The following RFX3 variants were observed in gnomAD, a reference collection of about 807,000 sequenced individuals.
RFX3 encodes the protein transcription factor RFX3.
A neutral mutation model predicts 98.6 loss-of-function variants in RFX3; 14 were observed. The ratio of observed to expected loss-of-function variants is 0.14; its 90% CI spans 0.09 to 0.22. The LOEUF (loss-of-function observed/expected upper bound fraction) is 0.22, where lower values mean the gene tolerates loss of function less well. Among genes scored for constraint, RFX3 ranks in the 10% least tolerant of loss-of-function variants. RFX3 has a pLI of 1.00. For missense variants in RFX3, 639 were observed against 926.9 expected, an observed-to-expected ratio of 0.69 and a Z score of 4.03; for synonymous variants, 383 against 328.4, an observed-to-expected ratio of 1.17 and a Z score of -1.80.
chr9:3,489,397 T>C (rs752728911), intron 1 of RFX3: 179 of 984,576 alleles, frequency 1.8e-4, no homozygotes, highest in Non-Finnish European at 2.0e-4. Flanking sequence ...AAGGCCTGTC[T>C]TTAAAGTACT....
rs146983728 is a variant in RFX3 at position 3,396,914 on chromosome 9, G to T, written c.-8-1318C>A. Among the ~76,000 whole-genome samples the T allele has an allele frequency of 6.3e-4, 96 of 152,238 alleles. No individual in the cohort carries two copies. The East Asian group carries it at 0.016, about 25-fold the overall frequency. On this transcript the variant is annotated intron_variant, in intron 1 of 16. Coordinates refer to ENST00000617270, the MANE Select transcript of RFX3 (RefSeq NM_001282116.2). ...TAAAACAATTAACGTATATCCAAAA[G>T]CCAACTGATATGCCCTAAACTTAGC... is the stretch of plus-strand genomic sequence containing the variant.
intron 2 of RFX3, among the ~76,000 whole-genome samples, chr9:3,381,651 T>C (rs144183580): frequency 4.3e-4 from 65 of 152,234 alleles, no homozygotes; most frequent in African/African-American, 1.6e-3. Context: ...TATTTTCTTA[T>C]ATATATCTTT....
chr9:3,269,718 C>G (rs559974417), intron 11 of RFX3, among the ~76,000 whole-genome samples: 1 of 152,218 alleles, frequency 6.6e-6, no homozygotes, highest in East Asian at 1.9e-4. Flanking sequence ...GATTACAATG[C>G]TTGTGTAGTT....
rs151299614 is a variant in RFX3 at position 3,248,161 on chromosome 9, G to A, written c.1839C>T (p.Thr613=). The A allele has an allele frequency of 6.2e-7, 1 of 1,611,576 alleles. No individual in the cohort carries two copies. The highest frequency in any genetic ancestry group is 8.5e-7 in the Non-Finnish European group (1 of 1,178,434). The stretch of plus-strand genomic sequence containing the variant: ...AGCCAAAGCTAGCAGCACTGCGTAA[G>A]GTTAAGTCCCGAATAACCATTGAGC... ...FYSSMVIRDL[T]LRSAASFGSF... The change falls in exon 15 of 17, where the codon ACC becomes ACT. Residue 613 remains threonine (T), a synonymous_variant. Transcript: ENST00000617270.
At chr9:3,445,543 G>GA (rs1306440776) in intron 1 of RFX3, among the ~76,000 whole-genome samples, 2 of 152,038 alleles carry the variant, frequency 1.3e-5, no homozygotes, top group Non-Finnish European at 2.9e-5. Flanking sequence ...CGAGTTCACT[G>GA]AAAAAATAAG....
At chr9:3,265,220 C>G (rs1161861991) in intron 12 of RFX3, among the ~76,000 whole-genome samples, 1 of 152,150 alleles carries the variant, frequency 6.6e-6, no homozygotes, top group Non-Finnish European at 1.5e-5. Context: ...TTTCATTTCA[C>G]TTAATTTAAA....
intron 10 of RFX3, 115 bp downstream of exon 10, chr9:3,270,888 T>A: frequency 1.4e-6 from 2 of 1,442,722 alleles, no homozygotes; most frequent in Non-Finnish European, 1.9e-6. Flanking sequence ...AAAACATCAA[T>A]CTATTCAATT....
chr9:3,324,872 G>A (rs999282207), intron 4 of RFX3, among the ~76,000 whole-genome samples: 20 of 152,096 alleles, frequency 1.3e-4, no homozygotes, highest in African/African-American at 4.6e-4. Flanking sequence ...GCTGAGGTGG[G>A]AGAATCGCTT....
intron 1 of RFX3, among the ~76,000 whole-genome samples, chr9:3,427,524 A>G (rs992550508): frequency 2.0e-5 from 3 of 148,604 alleles, no homozygotes; most frequent in Non-Finnish European, 4.4e-5. Flanking sequence ...TATATAAATA[A>G]TACAATGCAG....
chr9:3,469,987 T>A (rs552501566), intron 1 of RFX3, among the ~76,000 whole-genome samples: 1 of 152,236 alleles, frequency 6.6e-6, no homozygotes, highest in Admixed American at 6.6e-5. Flanking sequence ...GGATCACTAT[T>A]GTAATCCCAA....
chr9:3,359,990 T>G (rs757051098), intron 2 of RFX3, among the ~76,000 whole-genome samples: 5 of 152,140 alleles, frequency 3.3e-5, no homozygotes, highest in Non-Finnish European at 7.4e-5. Flanking sequence ...TGCCATTATC[T>G]TAGTGCAGGA....
intron 1 of RFX3, among the ~76,000 whole-genome samples, chr9:3,426,951 T>G (rs1466852847): frequency 6.6e-6 from 1 of 152,056 alleles, no homozygotes. Context: ...CGGTCCCTGG[T>G]GCCAAAAAGG....
Position 3,223,802 on chromosome 9 carries a change from G to C in RFX3, c.*1240C>G. On this transcript the variant is annotated 3_prime_UTR_variant, in exon 17 of 17. Transcript: ENST00000617270. ...TAAACCTTACTAAACCTTAGCTTCA[G>C]TTCTGTTTTAAGGCACCATGTAATA... 6.6e-6 allele frequency: 1 copy of C among 152,140 alleles called. No homozygotes were observed. The highest frequency in any genetic ancestry group is 1.5e-5 in the Non-Finnish European group (1 of 68,026). 9.4% of individuals were successfully genotyped at this position (152,140 alleles called of 1,614,324 possible).
intron 1 of RFX3, among the ~76,000 whole-genome samples, chr9:3,477,918 T>TG (rs1270151475): frequency 6.6e-6 from 1 of 152,200 alleles, no homozygotes; most frequent in African/African-American, 2.4e-5. Context: ...AATTTATATC[T>TG]GTTGTTGAGC....
At chr9:3,251,350 TA>T (rs1022853938) in intron 14 of RFX3, among the ~76,000 whole-genome samples, 5 of 150,848 alleles carry the variant, frequency 3.3e-5, no homozygotes, top group Middle Eastern at 3.4e-3. Flanking sequence ...AAAAATTAAT[TA>T]TTTTTTTTTT....
At chr9:3,382,218 A>G (rs1839270748) in intron 2 of RFX3, among the ~76,000 whole-genome samples, 1 of 152,288 alleles carries the variant, frequency 6.6e-6, no homozygotes, top group East Asian at 1.9e-4. Flanking sequence ...TTTAAAAGTC[A>G]CTTGTTAAAA....
chr9:3,357,484 A>G (rs1416987529), intron 2 of RFX3, among the ~76,000 whole-genome samples: 1 of 152,062 alleles, frequency 6.6e-6, no homozygotes, highest in East Asian at 1.9e-4. Flanking sequence ...GAATTTAAAG[A>G]TAATAAAAAC....
chr9:3,405,887 G>A (rs929695563), intron 1 of RFX3, among the ~76,000 whole-genome samples: 1 of 152,044 alleles, frequency 6.6e-6, no homozygotes, highest in Non-Finnish European at 1.5e-5. Context: ...GTCTCCCCAA[G>A]TTTATATACA....
chr9:3,313,055 C>T (rs544492835), intron 4 of RFX3, among the ~76,000 whole-genome samples: 5 of 152,206 alleles, frequency 3.3e-5, no homozygotes, highest in Non-Finnish European at 7.3e-5. Context: ...TAAGAACGGA[C>T]AGATTGCCTC....
Sources: gnomAD v4.1 joint callset for allele counts (sites outside exome capture counted in the v4.1 genomes callset) on GRCh38, gnomAD v4.1.1 for gene constraint, MANE v1.5 for transcripts, NCBI Gene and HGNC (gene_info 2026-07-23, HGNC 2026-07-21) for gene names.